The following MAP2 variants were observed in gnomAD, a reference collection of about 807,000 sequenced individuals.
MAP2 encodes microtubule-associated protein 2.
A neutral mutation model predicts 137.6 loss-of-function variants in MAP2; 14 were observed. The observed-to-expected ratio is 0.10, with a 90% CI of 0.07 to 0.16. The LOEUF (loss-of-function observed/expected upper bound fraction) is 0.16, where lower values mean the gene tolerates loss of function less well. Ranked by LOEUF, MAP2 falls within the 10% of genes least tolerant of loss-of-function variation. The probability of loss-of-function intolerance (pLI) is 1.00; values close to 1 mark genes in which losing one functional copy is unlikely to be tolerated. For missense variants in MAP2, 2,088 were observed against 2,191.5 expected (o/e 0.95, Z 0.94); for synonymous variants, 786 against 782.3 (o/e 1.00, Z -0.08).
intron 1 of MAP2, among the ~76,000 whole-genome samples, chr2:209,426,596 T>C (rs1692647302): frequency 6.6e-6 from 1 of 152,156 alleles, no homozygotes; most frequent in African/African-American, 2.4e-5. Flanking sequence ...CTCATCCTAG[T>C]AGGTACTTCA....
At chr2:209,614,306 A>C (rs566471919) in intron 3 of MAP2, among the ~76,000 whole-genome samples, 86 of 152,322 alleles carry the variant, frequency 5.6e-4, no homozygotes, top group African/African-American at 1.9e-3. Context: ...CAGAAGAACG[A>C]GGAAAACATC....
chr2:209,509,867 A>G (rs1459899777), intron 2 of MAP2, among the ~76,000 whole-genome samples: 1 of 151,940 alleles, frequency 6.6e-6, no homozygotes, highest in Non-Finnish European at 1.5e-5. Context: ...GTAATTTTAC[A>G]TTAAGTTATG....
chr2:209,449,080 T>C (rs1407513509), intron 1 of MAP2, among the ~76,000 whole-genome samples: 2 of 152,170 alleles, frequency 1.3e-5, no homozygotes, highest in African/African-American at 4.8e-5. Context: ...CTTCCCTGAC[T>C]TCGCACATGA....
At chr2:209,461,324 A>G (rs773052908) in intron 1 of MAP2, among the ~76,000 whole-genome samples, 38 of 152,262 alleles carry the variant, frequency 2.5e-4, no homozygotes, top group Admixed American at 3.3e-4. Context: ...CAAGTGCTCC[A>G]GAGACACATG....
intron 11 of MAP2, chr2:209,704,449 G>T: frequency 1.3e-6 from 2 of 1,598,766 alleles, no homozygotes; most frequent in Non-Finnish European, 1.7e-6. Context: ...TTCATGGCTA[G>T]AATTCTACCT....
chr2:209,471,092 C>T (rs980510912), intron 1 of MAP2, among the ~76,000 whole-genome samples: 1 of 152,144 alleles, frequency 6.6e-6, no homozygotes, highest in African/African-American at 2.4e-5. Context: ...TGACTCTTGC[C>T]TGTTTTCCTA....
chr2:209,493,010 T>G (rs905744470), intron 1 of MAP2, among the ~76,000 whole-genome samples: 7 of 152,228 alleles, frequency 4.6e-5, no homozygotes, highest in Admixed American at 4.6e-4. Flanking sequence ...GGAGGCATCA[T>G]GCTACCTGAT....
chr2:209,479,044 G>A (rs1281893244), intron 1 of MAP2, among the ~76,000 whole-genome samples: 2 of 152,144 alleles, frequency 1.3e-5, no homozygotes, highest in Non-Finnish European at 2.9e-5. Context: ...AATGAATAAA[G>A]TAAATATTCA....
chr2:209,622,756 G>C (rs1045981344), intron 3 of MAP2, among the ~76,000 whole-genome samples: 1 of 151,996 alleles, frequency 6.6e-6, no homozygotes, highest in African/African-American at 2.4e-5. Context: ...GCCATAAGTT[G>C]CTCTTTAAAA....
At chr2:209,523,061 T>C (rs1159171529) in intron 2 of MAP2, among the ~76,000 whole-genome samples, 1 of 152,182 alleles carries the variant, frequency 6.6e-6, no homozygotes, top group Non-Finnish European at 1.5e-5. Flanking sequence ...AGTCAGTAAA[T>C]GGTTCTTCAG....
chr2:209,723,778 C>A, intron 13 of MAP2: 2 of 813,160 alleles, frequency 2.5e-6, no homozygotes, highest in Non-Finnish European at 2.1e-6. Context: ...CTCTTTCCAA[C>A]ACACTGCTCC....
At chr2:209,435,163 A>G (rs1471591652) in intron 1 of MAP2, among the ~76,000 whole-genome samples, 1 of 151,344 alleles carries the variant, frequency 6.6e-6, no homozygotes, top group East Asian at 1.9e-4. Flanking sequence ...TGCTTGTGCT[A>G]TAGAATATCA....
chr2:209,715,400 A>G (rs541740775), intron 13 of MAP2, among the ~76,000 whole-genome samples: 1 of 152,248 alleles, frequency 6.6e-6, no homozygotes, highest in East Asian at 1.9e-4. Flanking sequence ...TTGAGCACCT[A>G]CTACACCATG....
At chr2:209,521,500 T>A (rs1559271035) in intron 2 of MAP2, among the ~76,000 whole-genome samples, 1 of 152,040 alleles carries the variant, frequency 6.6e-6, no homozygotes, top group South Asian at 2.1e-4. Flanking sequence ...CCCTTTTCTC[T>A]CCTTTTTATC....
intron 11 of MAP2, 79 bp downstream of exon 11, chr2:209,700,417 ATTG>A (rs2061469590): frequency 8.8e-7 from 1 of 1,133,748 alleles, no homozygotes; most frequent in African/African-American, 1.6e-5. Flanking sequence ...AACTTTTGAT[ATTG>A]TTTAGATATT....
Position 209,693,404 on chromosome 2 carries a change from A to G in MAP2, c.1234A>G (p.Lys412Glu), listed in dbSNP as rs1374972098. The change falls in exon 8 of 16, where the codon AAG becomes GAG. Residue 412 changes from lysine (K) to glutamate (E), a missense_variant. Physicochemically the swap from Lys to Glu is moderately conservative, Grantham distance 56. Around this residue, in one of 6 missense-constraint regions of MAP2, gnomAD observed 859 missense variants for 794.5 expected, o/e 1.08. Coordinates refer to ENST00000682079, the MANE Select transcript of MAP2 (RefSeq NM_001375505.1). The part of the protein sequence containing the change: ...HVMGKVLEEE[K>E]EAINQETVQQ... ...TATGGGGAAAGTTTTAGAGGAAGAA[A>G]AGGAGGCCATAAATCAAGAGACTGT... is the stretch of plus-strand genomic sequence containing the variant. The G allele has an allele frequency of 1.2e-6, 2 of 1,613,214 alleles. No homozygotes were observed. The highest frequency in any genetic ancestry group is 4.5e-5 in the East Asian group (2 of 44,876).
chr2:209,672,800 C>T (rs1187300521), intron 5 of MAP2, among the ~76,000 whole-genome samples: 2 of 151,900 alleles, frequency 1.3e-5, no homozygotes, highest in Middle Eastern at 3.4e-3. Flanking sequence ...TGCTTAATAA[C>T]GTTGTATAAC....
intron 4 of MAP2, among the ~76,000 whole-genome samples, chr2:209,644,537 C>T (rs889562526): frequency 1.3e-5 from 2 of 151,968 alleles, no homozygotes; most frequent in African/African-American, 2.4e-5. Flanking sequence ...TGTGTTTACC[C>T]TGAGGTAGGT....
intron 11 of MAP2, among the ~76,000 whole-genome samples, chr2:209,702,642 T>G (rs2062098838): frequency 6.6e-6 from 1 of 152,072 alleles, no homozygotes. Flanking sequence ...GTTTGTTTGT[T>G]TAGCATTAAT....
Sources: allele counts gnomAD v4.1 joint callset (sites outside exome capture counted in the v4.1 genomes callset), GRCh38; gene constraint gnomAD v4.1.1; regional missense constraint gnomAD v4.1.1; transcripts MANE v1.5; gene names NCBI Gene and HGNC (gene_info 2026-07-23, HGNC 2026-07-21).